Variants in STK39 observed in about 807,000 individuals in gnomAD.
STK39 encodes serine/threonine kinase 39.
A neutral mutation model predicts 77.8 loss-of-function variants in STK39; 20 were observed. That is an observed-to-expected ratio of 0.26 (90% CI 0.18 to 0.37). The LOEUF is 0.37. Ranked by LOEUF, STK39 falls within the 10% of genes least tolerant of loss-of-function variation. STK39 has a pLI of 1.00. For missense variants in STK39, 479 were observed against 656.5 expected, an observed-to-expected ratio of 0.73 and a Z score of 2.95; for synonymous variants, 246 against 234.1, an observed-to-expected ratio of 1.05 and a Z score of -0.47.
chr2:168,133,400 A>C (rs1687750598), intron 8 of STK39, among the ~76,000 whole-genome samples: 1 of 152,226 alleles, frequency 6.6e-6, no homozygotes, highest in African/African-American at 2.4e-5. Flanking sequence ...TATTGGCTTA[A>C]TTGTTAAGTA....
intron 16 of STK39, 85 bp from the exon 17 acceptor site, chr2:167,964,811 CTAA>C: frequency 8.4e-7 from 1 of 1,191,192 alleles, no homozygotes; most frequent in Non-Finnish European, 1.2e-6. Context: ...GAAAATTTGA[CTAA>C]TGATGCAATA....
intron 10 of STK39, among the ~76,000 whole-genome samples, chr2:168,113,917 G>A (rs758811998): frequency 6.6e-6 from 1 of 152,154 alleles, no homozygotes; most frequent in Non-Finnish European, 1.5e-5. Flanking sequence ...CACAGAAAAC[G>A]TCAGAGGAAG....
chr2:168,101,160 G>C (rs1264051042), intron 10 of STK39, among the ~76,000 whole-genome samples: 19 of 152,156 alleles, frequency 1.2e-4, no homozygotes, highest in East Asian at 3.9e-4. Context: ...TGAACAATGA[G>C]AACACTTGGA....
At chr2:168,082,121 C>A (rs1686250676) in intron 10 of STK39, among the ~76,000 whole-genome samples, 1 of 152,202 alleles carries the variant, frequency 6.6e-6, no homozygotes, top group Non-Finnish European at 1.5e-5. Context: ...CTTCTTTTTA[C>A]AAGACCAATG....
rs571790300 is a variant in STK39, at chr2:168,197,340, G to A, written c.209-15250C>T. Among the ~76,000 whole-genome samples the A allele has an allele frequency of 3.5e-3, 531 of 152,170 alleles. 3 individuals carry two copies. The highest frequency in any genetic ancestry group is 5.1e-3 in the Non-Finnish European group (350 of 68,008). On this transcript the variant is annotated intron_variant, in intron 1 of 17. Coordinates refer to ENST00000355999, the MANE Select transcript of STK39 (RefSeq NM_013233.3). Reference sequence around the variant, plus strand: ...ATCATCACTCCATTTTATAATGAACGGCCTTGATTCTCTCTTCATCCATCC... The same window carrying A: ...ATCATCACTCCATTTTATAATGAACAGCCTTGATTCTCTCTTCATCCATCC...
chr2:168,113,789 A>G (rs1201138465), intron 10 of STK39, among the ~76,000 whole-genome samples: 1 of 152,220 alleles, frequency 6.6e-6, no homozygotes, highest in South Asian at 2.1e-4. Context: ...GGTATCTCAC[A>G]GTAAGTTTCA....
chr2:168,139,160 G>A (rs529501927), intron 7 of STK39, among the ~76,000 whole-genome samples: 4 of 152,254 alleles, frequency 2.6e-5, no homozygotes, highest in East Asian at 1.9e-4. Context: ...CCTAGAGGAC[G>A]TCAGGCTGGG....
In STK39 at chr2:168,161,821, A is replaced by G. The variant is rs1323799456; in HGVS notation, c.594T>C (p.Ile198=). The G allele has an allele frequency of 3.7e-6, 6 of 1,611,114 alleles. No individual in the cohort carries two copies. The highest frequency in any genetic ancestry group is 5.1e-6 in the Non-Finnish European group (6 of 1,178,670). Residue 198 remains isoleucine, a synonymous_variant, in exon 5 of 18, where the codon ATT becomes ATC. Transcript: ENST00000355999. Reference sequence around the variant, plus strand: ...GTACTGAACCATCCTCACCCAGAAGAATATTACCAGCTTTCAAATCCCTAT... The same window carrying G: ...GTACTGAACCATCCTCACCCAGAAGGATATTACCAGCTTTCAAATCCCTAT... ...QIHRDLKAGN[I]LLGEDGSVQI...
At chr2:168,132,375 C>T (rs1216558538) in intron 8 of STK39, among the ~76,000 whole-genome samples, 1 of 152,012 alleles carries the variant, frequency 6.6e-6, no homozygotes, top group Non-Finnish European at 1.5e-5. Flanking sequence ...TCCACCAACC[C>T]CACTGCTTCG....
At chr2:168,052,461 T>C (rs1194315582) in intron 14 of STK39, among the ~76,000 whole-genome samples, 1 of 152,228 alleles carries the variant, frequency 6.6e-6, no homozygotes, top group East Asian at 1.9e-4. Flanking sequence ...AAGGATTAAT[T>C]TGCCTTGGAA....
intron 14 of STK39, among the ~76,000 whole-genome samples, chr2:168,044,647 T>C (rs80352200): frequency 0.041 from 6,296 of 152,190 alleles, 261 homozygotes; most frequent in East Asian, 0.2. Context: ...CTGCACCAAA[T>C]CTACAAATAC....
chr2:168,218,604 T>G (rs758744284), intron 1 of STK39, among the ~76,000 whole-genome samples: 5 of 152,086 alleles, frequency 3.3e-5, no homozygotes, highest in Non-Finnish European at 7.3e-5. Flanking sequence ...TTTGTCTGAG[T>G]AAAAAGGCTC....
At chr2:168,016,387 C>CAAAAAAAAAAAAAAAAAAAAAA (rs869084308) in intron 15 of STK39, among the ~76,000 whole-genome samples, 2 of 65,686 alleles carry the variant, frequency 3.0e-5, no homozygotes, top group African/African-American at 1.1e-4. Flanking sequence ...GGCCTTTGTT[C>CAAAAAAAAAAAAAAAAAAAAAA]AAAAAAAAAA....
chr2:168,069,116 C>A (rs755865039), intron 12 of STK39, among the ~76,000 whole-genome samples: 1 of 152,122 alleles, frequency 6.6e-6, no homozygotes, highest in African/African-American at 2.4e-5. Flanking sequence ...CAGGGTTTCA[C>A]CATGTTGGCC....
rs1278993363 is a variant in STK39 at position 168,164,285 on chromosome 2, C to T, written c.431-405G>A. On this transcript the variant is annotated intron_variant, in intron 3 of 17. Coordinates refer to ENST00000355999, the MANE Select transcript of STK39 (RefSeq NM_013233.3). ...AAGTGAACTGCTGAGAGAAAAAAAACACACTCTTTGAGGACCTAAATCACA... is the reference window on the plus strand; with the variant it reads ...AAGTGAACTGCTGAGAGAAAAAAAATACACTCTTTGAGGACCTAAATCACA... Among the ~76,000 whole-genome samples, 5 of 152,128 alleles carry T rather than the reference C, an allele frequency of 3.3e-5. 1 individual carries two copies. Among genetic ancestry groups the T allele is most frequent in the Admixed American group, 1.3e-4 (2 of 15,278 alleles).
chr2:167,964,442 C>T (rs1388765644), intron 17 of STK39: 8 of 480,942 alleles, frequency 1.7e-5, no homozygotes, highest in East Asian at 7.6e-5. Flanking sequence ...AAAGGTGTGA[C>T]GATAAGAAAA....
chr2:168,242,556 AAAAAATATAT>A (rs1289398887), intron 1 of STK39, among the ~76,000 whole-genome samples: 1 of 60,000 alleles, frequency 1.7e-5, no homozygotes, highest in Non-Finnish European at 3.1e-5. Flanking sequence ...CAAAAAAAAA[AAAAAATATAT>A]ATATATATAT....
chr2:168,037,705 T>C (rs1176056310), intron 14 of STK39, among the ~76,000 whole-genome samples: 1 of 152,146 alleles, frequency 6.6e-6, no homozygotes, highest in Non-Finnish European at 1.5e-5. Flanking sequence ...ACTGCACATA[T>C]AGTATAATGG....
intron 16 of STK39, among the ~76,000 whole-genome samples, chr2:168,005,154 C>A (rs2105303364): frequency 6.6e-6 from 1 of 151,938 alleles, no homozygotes; most frequent in East Asian, 1.9e-4. Flanking sequence ...TACAGGTGTG[C>A]CCTACCAGAT....
Sources: allele counts gnomAD v4.1 joint callset (sites outside exome capture counted in the v4.1 genomes callset), GRCh38; gene constraint gnomAD v4.1.1; transcripts MANE v1.5; gene names NCBI Gene and HGNC (gene_info 2026-07-23, HGNC 2026-07-21).